Variants in DNAAF1 observed in about 807,000 individuals in gnomAD.
The protein encoded by DNAAF1 is dynein axonemal assembly factor 1.
A neutral mutation model predicts 71.1 loss-of-function variants in DNAAF1; 65 were observed. The observed-to-expected ratio is 0.91, with a 90% CI of 0.75 to 1.12. The LOEUF is 1.12. DNAAF1 is among the 50% of genes most tolerant of loss of function. The probability of loss-of-function intolerance (pLI) is 0.00; values close to 1 mark genes in which losing one functional copy is unlikely to be tolerated. For missense variants in DNAAF1, 1,178 were observed against 899.8 expected (o/e 1.31, Z -3.96); for synonymous variants, 414 against 354.6 (o/e 1.17, Z -1.88).
At chr16:84,164,467 G>A (rs1026572626) in intron 6 of DNAAF1, among the ~76,000 whole-genome samples, 6 of 152,136 alleles carry the variant, frequency 3.9e-5, no homozygotes, top group African/African-American at 1.4e-4. Context: ...TCTTTTTGCT[G>A]TCTCCATGGT....
At position 84,145,375 on chromosome 16, in the gene DNAAF1, T is replaced by C. The variant is rs190497604; in HGVS notation, c.-66T>C. On this transcript the variant is annotated 5_prime_UTR_variant, in exon 1 of 12. Transcript: ENST00000378553. ...GTACTCTCTGGCTGGGCTGGGGCCG[T>C]AGCGACGTCCGCCGCGAACCTGGGC... 2,755 of 1,550,188 alleles carry C rather than the reference T, an allele frequency of 1.8e-3. 108 individuals carry two copies. The Admixed American group carries it at 0.05, about 28-fold the overall frequency.
chr16:84,154,817 C>T lies in DNAAF1; in HGVS notation c.574+19C>T. 1 of 1,591,578 alleles carries T rather than the reference C, an allele frequency of 6.3e-7. No homozygotes were observed. ...AACCTCTGTAAGGGTACCCAGCAAGCAGTGTGTCTGTTTGCCATATGTCCA... is the reference window on the plus strand; with the variant it reads ...AACCTCTGTAAGGGTACCCAGCAAGTAGTGTGTCTGTTTGCCATATGTCCA... On this transcript the variant is annotated intron_variant, in intron 4 of 11. Coordinates refer to ENST00000378553, the MANE Select transcript of DNAAF1 (RefSeq NM_178452.6).
Position 84,148,974 on chromosome 16 carries a change from A to G in DNAAF1, c.125-33A>G, listed in dbSNP as rs759538999. On this transcript the variant is annotated intron_variant, in intron 1 of 11. Transcript: ENST00000378553. ...GGGGTATTTTTTGGCATATATCTTG[A>G]TCTCTACAGACCTGATCTCTTTTAT... 6.8e-6 allele frequency: 11 copies of G among 1,613,478 alleles called. 1 individual carries two copies. The South Asian group carries it at 1.2e-4, about 18-fold the overall frequency.
chr16:84,145,458 G>C lies in DNAAF1; in HGVS notation c.18G>C (p.Ser6=). The change falls in exon 1 of 12, where the codon TCG becomes TCC. Residue 6 remains serine, a synonymous_variant. Coordinates refer to ENST00000378553, the MANE Select transcript of DNAAF1 (RefSeq NM_178452.6). MHPEP[S]EPATGGAAEL... ...AAGTAAACATGCACCCTGAGCCCTC[G>C]GAGCCTGCGACAGGTGGTGCAGCAG... is the stretch of plus-strand genomic sequence containing the variant. The C allele has an allele frequency of 1.3e-6, 2 of 1,579,972 alleles. No homozygotes were observed. The highest frequency in any genetic ancestry group is 1.7e-6 in the Non-Finnish European group (2 of 1,163,462).
In DNAAF1 at chr16:84,150,422, C is replaced by T. The variant is rs1444319184; in HGVS notation, c.352+80C>T. The T allele has an allele frequency of 4.7e-6, 5 of 1,070,066 alleles. No individual in the cohort carries two copies. In the Admixed American group the frequency reaches 7.1e-5, roughly 15 times the overall value. The allele number at this position is 1,070,066 out of a possible 1,614,324, so 66.3% of individuals were successfully genotyped here. A position where few individuals can be genotyped will look rare whatever the true frequency, so the allele number is the denominator to read the frequency against. ...GGTATAAAAAATTACTTGCAGGGAT[C>T]ACCTTTAGTTCTCAGAATGTATCTA... On this transcript the variant is annotated intron_variant, in intron 3 of 11. Coordinates refer to ENST00000378553, the MANE Select transcript of DNAAF1 (RefSeq NM_178452.6).
At chr16:84,175,709 G>A (rs2088615563) in intron 10 of DNAAF1, 3 of 579,170 alleles carry the variant, frequency 5.2e-6, no homozygotes, top group Middle Eastern at 4.7e-4. Flanking sequence ...GCCAGTGGCT[G>A]GGGGAGCAGA....
In DNAAF1 at chr16:84,171,965, T is replaced by C. The variant is rs1460175750; in HGVS notation, c.1529-295T>C. Reference sequence around the variant, plus strand: ...CAATCTCGGCTCATTGCAACCTCCCTCTCCCAGGTTCAAGCTATTCTCCTG... The same window carrying C: ...CAATCTCGGCTCATTGCAACCTCCCCCTCCCAGGTTCAAGCTATTCTCCTG... On this transcript the variant is annotated intron_variant, in intron 8 of 11. Coordinates refer to ENST00000378553, the MANE Select transcript of DNAAF1 (RefSeq NM_178452.6). 3.3e-5 allele frequency among the ~76,000 whole-genome samples: 5 copies of C among 149,602 alleles called. No individual in the cohort carries two copies. In the East Asian group the frequency reaches 6.0e-4, roughly 18 times the overall value.
chr16:84,176,596 C>T (rs529204127), intron 11 of DNAAF1: 6 of 495,002 alleles, frequency 1.2e-5, no homozygotes, highest in East Asian at 3.8e-5. Flanking sequence ...TCTCCTGGGG[C>T]GGGGGCCTAA....
chr16:84,155,752 AAAAAAC>A lies in DNAAF1; in HGVS notation c.741+18_741+23del, dbSNP rs746627763. ...TTCTGGAAAGCATGCCCGATTTGGT[AAAAAAC>A]AAAAACAAAAACAACGAAAAAGCAC... On this transcript the variant is annotated splice_donor_5th_base_variant and intron_variant, in intron 5 of 11. Coordinates refer to ENST00000378553, the MANE Select transcript of DNAAF1 (RefSeq NM_178452.6). 8.1e-6 allele frequency: 13 copies of A among 1,613,956 alleles called. No individual in the cohort carries two copies. Among genetic ancestry groups the A allele is most frequent in the African/African-American group, 5.3e-5 (4 of 74,900 alleles).
At position 84,145,649 on chromosome 16, in the gene DNAAF1, A is replaced by G. The variant is rs552327158; in HGVS notation, c.124+85A>G. On this transcript the variant is annotated intron_variant, in intron 1 of 11. Coordinates refer to ENST00000378553, the MANE Select transcript of DNAAF1 (RefSeq NM_178452.6). Reference sequence around the variant, plus strand: ...GCCCCCTTCCCACACCACATACCCGATCTTCACAGCCAAATAATAACAATA... The same window carrying G: ...GCCCCCTTCCCACACCACATACCCGGTCTTCACAGCCAAATAATAACAATA... 8.8e-5 allele frequency: 127 copies of G among 1,450,508 alleles called. 1 individual carries two copies. In the East Asian group the frequency reaches 3.0e-3, roughly 34 times the overall value. The allele number at this position is 1,450,508 out of a possible 1,614,324, so 89.9% of individuals were successfully genotyped here.
chr16:84,173,323 G>T, intron 9 of DNAAF1: 2 of 639,972 alleles, frequency 3.1e-6, no homozygotes, highest in Non-Finnish European at 3.9e-6. Context: ...AATTAGCCAG[G>T]TGTGGTGATG....
intron 3 of DNAAF1, among the ~76,000 whole-genome samples, chr16:84,151,790 C>T (rs1196548181): frequency 6.6e-6 from 1 of 152,194 alleles, no homozygotes; most frequent in African/African-American, 2.4e-5. Flanking sequence ...AATCCACTTC[C>T]AGGCTCTAGG....
intron 11 of DNAAF1, chr16:84,176,585 A>G (rs752052672): frequency 7.7e-6 from 4 of 518,288 alleles, no homozygotes; most frequent in Admixed American, 3.2e-5. Flanking sequence ...GGTCATGCAG[A>G]TCTCCTGGGG....
At chr16:84,175,690 T>G in intron 10 of DNAAF1, 2 of 535,164 alleles carry the variant, frequency 3.7e-6, no homozygotes, top group African/African-American at 1.9e-5. Flanking sequence ...ACCAGGAGGG[T>G]GAGGAATAGC....
intron 1 of DNAAF1, among the ~76,000 whole-genome samples, chr16:84,148,109 C>T (rs568759502): frequency 6.6e-6 from 1 of 152,158 alleles, no homozygotes; most frequent in South Asian, 2.1e-4. Context: ...AGTTGGTGTT[C>T]CTTTTCTCCC....
intron 6 of DNAAF1, among the ~76,000 whole-genome samples, chr16:84,161,014 C>T (rs1457361386): frequency 6.6e-6 from 1 of 152,088 alleles, no homozygotes; most frequent in Non-Finnish European, 1.5e-5. Flanking sequence ...CCCTGGGCCC[C>T]AGGTCTGGGG....
intron 7 of DNAAF1, among the ~76,000 whole-genome samples, chr16:84,166,697 T>C (rs1257295205): frequency 2.0e-5 from 3 of 152,124 alleles, no homozygotes; most frequent in African/African-American, 7.2e-5. Flanking sequence ...AACCATTTCC[T>C]CACAACCTGC....
chr16:84,154,865 C>A, intron 4 of DNAAF1, 67 bp downstream of exon 4: 1 of 1,315,740 alleles, frequency 7.6e-7, no homozygotes, highest in Non-Finnish European at 1.1e-6. Context: ...GAGGGATGTT[C>A]TAAGCTTTTA....
intron 5 of DNAAF1, 45 bp from the exon 6 acceptor site, chr16:84,159,630 T>A (rs1333700209): frequency 1.9e-6 from 3 of 1,571,688 alleles, no homozygotes; most frequent in South Asian, 2.3e-5. Flanking sequence ...AATAATTCAA[T>A]CGCATCTTTC....
Sources: allele counts gnomAD v4.1 joint callset (sites outside exome capture counted in the v4.1 genomes callset), GRCh38; gene constraint gnomAD v4.1.1; transcripts MANE v1.5; gene names NCBI Gene and HGNC (gene_info 2026-07-23, HGNC 2026-07-21).